The following ERC2 variants were observed in gnomAD, a reference collection of about 807,000 sequenced individuals.
The protein encoded by ERC2 is ERC protein 2.
Under a neutral mutation model 114.8 loss-of-function variants are expected in ERC2, and 42 were observed. That is an observed-to-expected ratio of 0.37 (90% CI 0.29 to 0.47). The LOEUF (loss-of-function observed/expected upper bound fraction) is 0.47. Ranked by LOEUF, ERC2 falls within the 20% of genes least tolerant of loss-of-function variation. The probability of loss-of-function intolerance (pLI) is 0.99; values close to 1 mark genes in which losing one functional copy is unlikely to be tolerated. For synonymous variants in ERC2, 454 were observed against 425.5 expected, an observed-to-expected ratio of 1.07 and a Z score of -0.82; for missense variants, 939 against 1,150.7, an observed-to-expected ratio of 0.82 and a Z score of 2.66.
intron 12 of ERC2, among the ~76,000 whole-genome samples, chr3:55,952,180 C>CACTATATATATATA (rs1553749407): frequency 3.9e-5 from 1 of 25,572 alleles, no homozygotes; most frequent in Non-Finnish European, 8.4e-5. Flanking sequence ...CACACACACA[C>CACTATATATATATA]TCTCTCTCTC....
intron 17 of ERC2, among the ~76,000 whole-genome samples, chr3:55,604,226 G>A (rs747956166): frequency 6.6e-6 from 1 of 151,894 alleles, no homozygotes; most frequent in Non-Finnish European, 1.5e-5. Flanking sequence ...AGTGTGTGAG[G>A]GATGAAGAAA....
intron 15 of ERC2, among the ~76,000 whole-genome samples, chr3:55,726,692 T>C (rs892796411): frequency 2.0e-5 from 3 of 152,188 alleles, no homozygotes; most frequent in African/African-American, 7.2e-5. Context: ...TAGATTACAT[T>C]ACATGCAACT....
intron 13 of ERC2, among the ~76,000 whole-genome samples, chr3:55,908,961 C>T (rs369045927): frequency 9.8e-5 from 15 of 152,332 alleles, no homozygotes; most frequent in African/African-American, 3.6e-4. Flanking sequence ...AATAATAACA[C>T]ATGCATCTTC....
At chr3:55,673,128 T>C (rs2061632476) in intron 17 of ERC2, among the ~76,000 whole-genome samples, 1 of 152,140 alleles carries the variant, frequency 6.6e-6, no homozygotes, top group South Asian at 2.1e-4. Context: ...CATTCCACAT[T>C]CCGTGAGGGG....
chr3:56,292,379 C>G (rs1019518463), intron 3 of ERC2, among the ~76,000 whole-genome samples: 1 of 150,564 alleles, frequency 6.6e-6, no homozygotes, highest in Non-Finnish European at 1.5e-5. Context: ...AGCTCAGGAG[C>G]CTAGCCTGGG....
intron 3 of ERC2, among the ~76,000 whole-genome samples, chr3:56,256,850 C>T (rs900585095): frequency 3.3e-5 from 5 of 152,136 alleles, no homozygotes; most frequent in Admixed American, 2.6e-4. Context: ...GTGCCTGCTT[C>T]CCCTTCTACC....
At chr3:55,521,741 G>T (rs55876294) in intron 17 of ERC2, among the ~76,000 whole-genome samples, 21,499 of 152,078 alleles carry the variant, frequency 0.14, 1,877 homozygotes, top group Non-Finnish European at 0.2. Flanking sequence ...AAGACATGGT[G>T]GGGGAGAAGC....
At chr3:55,981,115 G>A (rs918455104) in intron 12 of ERC2, among the ~76,000 whole-genome samples, 3 of 152,208 alleles carry the variant, frequency 2.0e-5, no homozygotes, top group East Asian at 3.8e-4. Flanking sequence ...CCCTGGCTAC[G>A]CCTCAAGGGT....
intron 6 of ERC2, among the ~76,000 whole-genome samples, chr3:56,125,775 T>C (rs2079830981): frequency 6.6e-6 from 1 of 152,180 alleles, no homozygotes; most frequent in Non-Finnish European, 1.5e-5. Context: ...GAAATCATCT[T>C]TATGGTTGCC....
At chr3:56,130,544 G>A (rs1488669660) in intron 6 of ERC2, among the ~76,000 whole-genome samples, 1 of 152,058 alleles carries the variant, frequency 6.6e-6, no homozygotes, top group Non-Finnish European at 1.5e-5. Flanking sequence ...GTTAAATAAG[G>A]CGTTCTCTGA....
At chr3:56,402,195 G>A (rs987799987) in intron 2 of ERC2, among the ~76,000 whole-genome samples, 1 of 152,210 alleles carries the variant, frequency 6.6e-6, no homozygotes, top group Non-Finnish European at 1.5e-5. Context: ...ATATCAGGCA[G>A]TGTGCCCAGA....
intron 13 of ERC2, among the ~76,000 whole-genome samples, chr3:55,921,605 T>C (rs1019059333): frequency 7.9e-5 from 12 of 152,174 alleles, no homozygotes; most frequent in Admixed American, 1.3e-4. Flanking sequence ...AAGATCATTA[T>C]AGCCAAAGTT....
chr3:56,260,774 C>T (rs1001259445), intron 3 of ERC2, among the ~76,000 whole-genome samples: 2 of 152,212 alleles, frequency 1.3e-5, no homozygotes, highest in African/African-American at 4.8e-5. Context: ...TTATTATCAT[C>T]ACTTTCTTGC....
At chr3:55,856,734 T>G (rs888735982) in intron 14 of ERC2, among the ~76,000 whole-genome samples, 17 of 152,224 alleles carry the variant, frequency 1.1e-4, no homozygotes, top group Non-Finnish European at 2.1e-4. Flanking sequence ...CATAGTAGTA[T>G]TATTCATAAT....
intron 14 of ERC2, among the ~76,000 whole-genome samples, chr3:55,772,087 T>G (rs1315314147): frequency 2.6e-5 from 4 of 152,174 alleles, no homozygotes; most frequent in Non-Finnish European, 5.9e-5. Flanking sequence ...GTTAGTATGG[T>G]ACTCTAGGCA....
intron 6 of ERC2, among the ~76,000 whole-genome samples, chr3:56,085,792 G>A (rs762832155): frequency 9.2e-5 from 14 of 152,114 alleles, no homozygotes; most frequent in Non-Finnish European, 1.8e-4. Context: ...GTTATAAAGG[G>A]GTTACAATCA....
intron 17 of ERC2, among the ~76,000 whole-genome samples, chr3:55,550,977 C>T (rs1029293361): frequency 6.8e-6 from 1 of 147,576 alleles, no homozygotes; most frequent in Non-Finnish European, 1.5e-5. Context: ...GATCGCGCCA[C>T]TGCACTCCAG....
chr3:55,552,959 T>C (rs1008221533), intron 17 of ERC2, among the ~76,000 whole-genome samples: 2 of 150,732 alleles, frequency 1.3e-5, no homozygotes, highest in African/African-American at 4.9e-5. Flanking sequence ...TCATTTTGTT[T>C]GGGTCTTCTA....
intron 17 of ERC2, among the ~76,000 whole-genome samples, chr3:55,639,583 T>A (rs1369072248): frequency 1.3e-5 from 2 of 152,092 alleles, no homozygotes; most frequent in African/African-American, 4.8e-5. Context: ...CTGGGGGAGA[T>A]CTAACATCCT....
Sources: gnomAD v4.1 joint callset for allele counts (sites outside exome capture counted in the v4.1 genomes callset) on GRCh38, gnomAD v4.1.1 for gene constraint, MANE v1.5 for transcripts, NCBI Gene and HGNC (gene_info 2026-07-23, HGNC 2026-07-21) for gene names.